Variants in PDS5A observed in about 807,000 individuals in gnomAD.
PDS5A encodes PDS5 cohesin associated factor A, also known as sister chromatid cohesion protein PDS5 homolog A.
In PDS5A, 42 loss-of-function variants were observed where a neutral mutation model predicts 167.1. That is an observed-to-expected ratio of 0.25 (90% CI 0.20 to 0.33). PDS5A has a LOEUF of 0.33. PDS5A is among the 10% of genes least tolerant of loss of function. The pLI is 1.00. For missense variants in PDS5A, 1,033 were observed against 1,605.9 expected (o/e 0.64, Z 6.10); for synonymous variants, 553 against 554.6 (o/e 1.00, Z 0.04).
chr4:39,943,150 ACACACACACACACACACACG>A (rs1250651228), intron 2 of PDS5A, among the ~76,000 whole-genome samples: 49 of 136,820 alleles, frequency 3.6e-4, no homozygotes, highest in African/African-American at 1.1e-3. Flanking sequence ...ACACACACAC[ACACACACACACACACACACG>A]CACGCACACA....
chr4:39,950,015 C>T (rs966531440), intron 2 of PDS5A, among the ~76,000 whole-genome samples: 5 of 151,842 alleles, frequency 3.3e-5, no homozygotes, highest in Admixed American at 3.3e-4. Flanking sequence ...AAGTGATTCT[C>T]CTGCCTCAGC....
intron 19 of PDS5A, 73 bp downstream of exon 19, chr4:39,876,920 A>G: frequency 8.7e-7 from 1 of 1,149,860 alleles, no homozygotes; most frequent in Non-Finnish European, 1.2e-6. Flanking sequence ...CCTACACAGA[A>G]GGAAAACAAT....
chr4:39,875,747 T>C (rs946512863), intron 19 of PDS5A, among the ~76,000 whole-genome samples: 3 of 152,160 alleles, frequency 2.0e-5, no homozygotes, highest in Non-Finnish European at 2.9e-5. Flanking sequence ...ATGGAAGATG[T>C]CTTTCCTCTC....
chr4:39,967,138 C>T (rs1730050268), intron 2 of PDS5A, among the ~76,000 whole-genome samples: 1 of 150,938 alleles, frequency 6.6e-6, no homozygotes, highest in Non-Finnish European at 1.5e-5. Flanking sequence ...AACTCCATTT[C>T]CACCAAAATA....
At chr4:39,832,507 C>T (rs1263986704) in intron 32 of PDS5A, among the ~76,000 whole-genome samples, 3 of 151,798 alleles carry the variant, frequency 2.0e-5, no homozygotes, top group Non-Finnish European at 4.4e-5. Context: ...GTTCCTGGCT[C>T]AAAATTTTTT....
chr4:39,889,079 A>C (rs1342429502), intron 17 of PDS5A, among the ~76,000 whole-genome samples: 1 of 152,218 alleles, frequency 6.6e-6, no homozygotes, highest in Non-Finnish European at 1.5e-5. Flanking sequence ...CCAGTATCTC[A>C]GAATGTGACT....
chr4:39,955,211 A>G (rs1242703251), intron 2 of PDS5A, among the ~76,000 whole-genome samples: 1 of 152,206 alleles, frequency 6.6e-6, no homozygotes, highest in Non-Finnish European at 1.5e-5. Flanking sequence ...CATTACATGA[A>G]TAGAACATTT....
intron 2 of PDS5A, among the ~76,000 whole-genome samples, chr4:39,972,566 G>T (rs1055367122): frequency 1.3e-5 from 2 of 151,342 alleles, no homozygotes; most frequent in South Asian, 2.1e-4. Context: ...TTGAGACAGG[G>T]TCTATGTTGC....
intron 16 of PDS5A, among the ~76,000 whole-genome samples, chr4:39,891,532 C>T (rs1192307836): frequency 1.3e-5 from 2 of 151,992 alleles, no homozygotes; most frequent in Non-Finnish European, 2.9e-5. Flanking sequence ...CCTGTAATCC[C>T]AGCTACTCGG....
At chr4:39,856,250 T>A (rs775418489) in intron 26 of PDS5A, among the ~76,000 whole-genome samples, 3 of 152,108 alleles carry the variant, frequency 2.0e-5, no homozygotes, top group Non-Finnish European at 4.4e-5. Context: ...AAGAATCTTA[T>A]ATCCTATATA....
chr4:39,900,284 G>C (rs1345797954), intron 14 of PDS5A, 142 bp downstream of exon 14: 2 of 573,042 alleles, frequency 3.5e-6, no homozygotes, highest in Non-Finnish European at 6.2e-6. Flanking sequence ...ATTTAGCTTG[G>C]ACAACTACAG....
intron 30 of PDS5A, among the ~76,000 whole-genome samples, 161 bp downstream of exon 30, chr4:39,844,495 C>CA (rs1272152308): frequency 2.3e-5 from 3 of 129,488 alleles, no homozygotes; most frequent in East Asian, 2.3e-4. Flanking sequence ...AAAAAAAAAA[C>CA]AAAAAAAAAC....
At chr4:39,930,246 A>AAAAAAAAAAT in intron 2 of PDS5A, among the ~76,000 whole-genome samples, 1 of 93,090 alleles carries the variant, frequency 1.1e-5, no homozygotes, top group African/African-American at 3.7e-5. Flanking sequence ...AAAAAAAAAA[A>AAAAAAAAAAT]GTTTTTTTGT....
intron 5 of PDS5A, among the ~76,000 whole-genome samples, chr4:39,923,569 G>C (rs189689163): frequency 1.2e-4 from 18 of 151,110 alleles, no homozygotes; most frequent in African/African-American, 4.4e-4. Flanking sequence ...CCAGGAGGTC[G>C]AGGCATCAGC....
At chr4:39,927,819 AT>A in intron 3 of PDS5A, 141 bp downstream of exon 3, 1 of 622,496 alleles carries the variant, frequency 1.6e-6, no homozygotes, top group South Asian at 2.2e-5. Context: ...TGAATGAATA[AT>A]TTTGCAACTT....
chr4:39,944,340 A>C (rs1727539128), intron 2 of PDS5A, among the ~76,000 whole-genome samples: 1 of 152,138 alleles, frequency 6.6e-6, no homozygotes, highest in South Asian at 2.1e-4. Context: ...TCATAATAGA[A>C]GTTATTTTTA....
chr4:39,908,920 G>C (rs1250194560), intron 10 of PDS5A: 2 of 169,572 alleles, frequency 1.2e-5, no homozygotes, highest in African/African-American at 2.4e-5. Context: ...CGCCCCTGCA[G>C]TGCCAGCTAC....
At chr4:39,874,632 TTTTTA>T (rs1308126342) in intron 19 of PDS5A, among the ~76,000 whole-genome samples, 1 of 152,176 alleles carries the variant, frequency 6.6e-6, no homozygotes, top group Non-Finnish European at 1.5e-5. Context: ...CAGGAGACAA[TTTTTA>T]TTTTAAAGTT....
At chr4:39,850,998 A>G (rs897049237) in intron 26 of PDS5A, among the ~76,000 whole-genome samples, 2 of 152,200 alleles carry the variant, frequency 1.3e-5, no homozygotes, top group Non-Finnish European at 2.9e-5. Flanking sequence ...TTAAGAGACT[A>G]CTGTAGCATG....
Sources: allele counts gnomAD v4.1 joint callset (sites outside exome capture counted in the v4.1 genomes callset), GRCh38; gene constraint gnomAD v4.1.1; transcripts MANE v1.5; gene names NCBI Gene and HGNC (gene_info 2026-07-23, HGNC 2026-07-21).